The following OTOP2 variants were observed in gnomAD, a reference collection of about 807,000 sequenced individuals.
The protein encoded by OTOP2 is otopetrin 2.
In OTOP2, 41 loss-of-function variants were observed where a neutral mutation model predicts 47.4. The observed-to-expected ratio is 0.87, with a 90% CI of 0.67 to 1.12. OTOP2 has a LOEUF of 1.12. Among genes scored for constraint, OTOP2 ranks in the 50% most tolerant of loss-of-function variants. The pLI, the probability that OTOP2 is intolerant of heterozygous loss-of-function variation, is 0.00. For synonymous variants in OTOP2, 328 were observed against 319.6 expected (o/e 1.03, Z -0.28); for missense variants, 721 against 752.2 (o/e 0.96, Z 0.49).
intron 5 of OTOP2, among the ~76,000 whole-genome samples, chr17:74,929,101 A>C (rs1046489014): frequency 6.6e-6 from 1 of 152,144 alleles, no homozygotes; most frequent in African/African-American, 2.4e-5. Flanking sequence ...TCATCTGCAA[A>C]ACCAGCTGGG....
Position 74,925,466 on chromosome 17 carries a change from T to C in OTOP2, c.314-90T>C. 13 of 1,513,170 alleles carry C rather than the reference T, an allele frequency of 8.6e-6. 1 individual carries two copies. In the South Asian group the frequency reaches 1.5e-4, roughly 17 times the overall value. 93.7% of individuals were successfully genotyped at this position (1,513,170 alleles called of 1,614,324 possible). A position where few individuals can be genotyped will look rare whatever the true frequency, so the allele number is the denominator to read the frequency against. Reference sequence around the variant, plus strand: ...CACCCATCCACCCACCCATCTAGCCTCCCATCCTCAGGGCCTGTCCTCAGC... The same window carrying C: ...CACCCATCCACCCACCCATCTAGCCCCCCATCCTCAGGGCCTGTCCTCAGC... On this transcript the variant is annotated intron_variant, in intron 2 of 6. Transcript: ENST00000331427.
At position 74,932,994 on chromosome 17, in the gene OTOP2, C is replaced by A. The variant is rs970207045; in HGVS notation, c.1519-381C>A. On this transcript the variant is annotated intron_variant, in intron 6 of 6. Coordinates refer to ENST00000331427, the MANE Select transcript of OTOP2 (RefSeq NM_178160.3). ...GCCTTGAGCCTATCTGATTCTGCCA[C>A]CCCCACCCCTGTGCACAAAACCCCC... Among the ~76,000 whole-genome samples, 9 of 151,794 alleles carry A rather than the reference C, an allele frequency of 5.9e-5. No homozygotes were observed. The South Asian group carries it at 1.5e-3, about 25-fold the overall frequency.
intron 4 of OTOP2, 114 bp from the exon 5 acceptor site, chr17:74,927,551 C>T (rs2039019686): frequency 7.0e-7 from 1 of 1,438,512 alleles, no homozygotes. Flanking sequence ...ATCAGCTTCC[C>T]TGTTCACACA....
At position 74,930,165 on chromosome 17, in the gene OTOP2, A is replaced by G; in HGVS notation, c.644-114A>G. ...ACCATTGCACTCCAGCCTGAGCATC[A>G]AGAGTGAAACTCCGTCTCAAAACAA... is the stretch of plus-strand genomic sequence containing the variant. On this transcript the variant is annotated intron_variant, in intron 5 of 6. Coordinates refer to ENST00000331427, the MANE Select transcript of OTOP2 (RefSeq NM_178160.3). The surrounding 1 kb of genome is among the most constrained non-coding windows in gnomAD (Gnocchi z 4.0). The G allele has an allele frequency of 8.3e-7, 1 of 1,207,168 alleles. No homozygotes were observed. Among genetic ancestry groups the G allele is most frequent in the South Asian group, 1.5e-5 (1 of 65,508 alleles). 74.8% of individuals were successfully genotyped at this position (1,207,168 alleles called of 1,614,324 possible).
Position 74,930,211 on chromosome 17 carries a change from A to C in OTOP2, c.644-68A>C. ...AACAAAACAAAAAAAAAAAGGTCAC[A>C]GGCTAGGGGTGAGACCTCTCTAGGA... On this transcript the variant is annotated intron_variant, in intron 5 of 6. Coordinates refer to ENST00000331427, the MANE Select transcript of OTOP2 (RefSeq NM_178160.3). The surrounding 1 kb of genome is among the most constrained non-coding windows in gnomAD (Gnocchi z 4.0). The C allele has an allele frequency of 6.7e-7, 1 of 1,494,124 alleles. No individual in the cohort carries two copies. The highest frequency in any genetic ancestry group is 2.3e-5 in the East Asian group (1 of 43,754). 92.6% of individuals were successfully genotyped at this position (1,494,124 alleles called of 1,614,324 possible).
In OTOP2 at chr17:74,924,540, A is replaced by T. The variant is rs1161338617; in HGVS notation, c.-33-60A>T. The T allele has an allele frequency of 2.2e-6, 3 of 1,378,770 alleles. No individual in the cohort carries two copies. In the African/African-American group the frequency reaches 4.4e-5, roughly 20 times the overall value. 85.4% of individuals were successfully genotyped at this position (1,378,770 alleles called of 1,614,324 possible). A position where few individuals can be genotyped will look rare whatever the true frequency, so the allele number is the denominator to read the frequency against. On this transcript the variant is annotated intron_variant, in intron 1 of 6. Coordinates refer to ENST00000331427, the MANE Select transcript of OTOP2 (RefSeq NM_178160.3). This position sits in a 1 kb window ranked among gnomAD's most constrained non-coding sequence, Gnocchi z 7.7. Reference sequence around the variant, plus strand: ...TCCCTAGTCCCCAAGTCTAGGGATGAGATGGGGGAAGGAGAGCCGTCAGGG... The same window carrying T: ...TCCCTAGTCCCCAAGTCTAGGGATGTGATGGGGGAAGGAGAGCCGTCAGGG...
Position 74,930,948 on chromosome 17 carries a change from AC to A in OTOP2, c.1317del (p.Lys440ArgfsTer54). The A allele has an allele frequency of 1.2e-6, 2 of 1,613,542 alleles. No individual in the cohort carries two copies. The highest frequency in any genetic ancestry group is 1.7e-6 in the Non-Finnish European group (2 of 1,179,882). ...GPPGAEPHST[H>X]PKEPCQDLTF... is the part of the protein sequence containing the mutation. The stretch of plus-strand genomic sequence containing the variant: ...CCCGGGGCTGAGCCTCACAGTACCC[AC>A]CCCAAGGAGCCCTGCCAAGACCTCA... On this transcript the variant is annotated frameshift_variant, in exon 6 of 7. Coordinates refer to ENST00000331427, the MANE Select transcript of OTOP2 (RefSeq NM_178160.3). LOFTEE classifies it high-confidence loss of function. The surrounding 1 kb of genome is among the most constrained non-coding windows in gnomAD (Gnocchi z 4.0).
In OTOP2 at chr17:74,930,414, T is replaced by G; in HGVS notation, c.779T>G (p.Val260Gly). ...CTCTTCGCCTCCACCATGCTGTATG[T>G]CATGTGGAAGAATGTGGGTAGATTC... The part of the protein sequence containing the change: ...YSLFASTMLY[V>G]MWKNVGRFLA... Residue 260 changes from valine to glycine, a missense_variant, in exon 6 of 7, where the codon GTC becomes GGC. By Grantham distance (109) the Val-to-Gly change is moderately radical. Transcript: ENST00000331427. This position sits in a 1 kb window ranked among gnomAD's most constrained non-coding sequence, Gnocchi z 4.0. 6.2e-7 allele frequency: 1 copy of G among 1,614,152 alleles called. No homozygotes were observed. Among genetic ancestry groups the G allele is most frequent in the Non-Finnish European group, 8.5e-7 (1 of 1,180,014 alleles).
rs2038993655 is a variant in OTOP2, at chr17:74,924,984, C to T, written c.313+39C>T. 6.6e-7 allele frequency: 1 copy of T among 1,507,392 alleles called. No homozygotes were observed. Among genetic ancestry groups the T allele is most frequent in the Non-Finnish European group, 8.9e-7 (1 of 1,125,718 alleles). 93.4% of individuals were successfully genotyped at this position (1,507,392 alleles called of 1,614,324 possible). Reference sequence around the variant, plus strand: ...TGGGGGCGAGGTAGGGTGGGCACAACAGGGAGCTGCAGGCTAGGGCTCTCG... The same window carrying T: ...TGGGGGCGAGGTAGGGTGGGCACAATAGGGAGCTGCAGGCTAGGGCTCTCG... On this transcript the variant is annotated intron_variant, in intron 2 of 6. Transcript: ENST00000331427. This position sits in a 1 kb window ranked among gnomAD's most constrained non-coding sequence, Gnocchi z 7.7.
intron 2 of OTOP2, among the ~76,000 whole-genome samples, chr17:74,925,305 G>A (rs1262759602): frequency 3.3e-5 from 5 of 152,002 alleles, no homozygotes; most frequent in African/African-American, 1.2e-4. Flanking sequence ...AGGGGGGCTT[G>A]GTAGCAGGTC....
intron 3 of OTOP2, among the ~76,000 whole-genome samples, chr17:74,926,632 C>T (rs149828474): frequency 2.0e-5 from 3 of 151,976 alleles, no homozygotes; most frequent in East Asian, 3.9e-4. Flanking sequence ...AACCCCACCA[C>T]GAGCAGGGTT....
At chr17:74,931,253 C>T in intron 6 of OTOP2, 100 bp downstream of exon 6, 1 of 1,437,970 alleles carries the variant, frequency 7.0e-7, no homozygotes, top group Non-Finnish European at 9.2e-7. Flanking sequence ...TTGCCCCCAG[C>T]CCGCCTGAGA....
chr17:74,933,276 G>A lies in OTOP2; in HGVS notation c.1519-99G>A. ...GCCCTCCGTGTCCACCAAGCTAGAA[G>A]GATGGGCCGCCATCTAGCCACGGCC... On this transcript the variant is annotated intron_variant, in intron 6 of 6. Coordinates refer to ENST00000331427, the MANE Select transcript of OTOP2 (RefSeq NM_178160.3). The surrounding 1 kb of genome is among the most constrained non-coding windows in gnomAD (Gnocchi z 4.7). 1 of 1,423,360 alleles carries A rather than the reference G, an allele frequency of 7.0e-7. No individual in the cohort carries two copies. The highest frequency in any genetic ancestry group is 1.3e-5 in the South Asian group (1 of 75,358). 88.2% of individuals were successfully genotyped at this position (1,423,360 alleles called of 1,614,324 possible).
chr17:74,925,610 G>C lies in OTOP2; in HGVS notation c.368G>C (p.Gly123Ala), dbSNP rs947916909. The C allele has an allele frequency of 9.3e-6, 15 of 1,614,114 alleles. No individual in the cohort carries two copies. The highest frequency in any genetic ancestry group is 1.2e-5 in the Non-Finnish European group (14 of 1,180,030). ...CTCATCATGGATGTCTTCAAGACCG[G>C]CTACTACTCCAGTTTCTTTGAGTGC... ...CTLIMDVFKT[G>A]YYSSFFECQS... The change falls in exon 3 of 7, where the codon GGC becomes GCC. Residue 123 changes from glycine to alanine, a missense_variant. Physicochemically the swap from Gly to Ala is moderately conservative, Grantham distance 60. Transcript: ENST00000331427.
At chr17:74,925,976 A>G (rs973156388) in intron 3 of OTOP2, among the ~76,000 whole-genome samples, 1 of 152,242 alleles carries the variant, frequency 6.6e-6, no homozygotes, top group African/African-American at 2.4e-5. Flanking sequence ...TGTGCCAGCC[A>G]GCCCTGTCTC....
Position 74,927,263 on chromosome 17 carries a change from T to G in OTOP2, c.491T>G (p.Val164Gly), listed in dbSNP as rs756528690. Residue 164 changes from valine to glycine, a missense_variant, in exon 4 of 7, where the codon GTC (valine) becomes GGC (glycine). Transcript: ENST00000331427. ...LWVSAKDCVH[V>G]HLDLTWCGLM... Reference sequence around the variant, plus strand: ...GTCTCTGCTAAAGACTGCGTTCACGTCCACCTGGATCTGACCTGGTGAGAA... The same window carrying G: ...GTCTCTGCTAAAGACTGCGTTCACGGCCACCTGGATCTGACCTGGTGAGAA... 2 of 1,613,478 alleles carry G rather than the reference T, an allele frequency of 1.2e-6. No homozygotes were observed. Among genetic ancestry groups the G allele is most frequent in the Non-Finnish European group, 1.7e-6 (2 of 1,179,520 alleles).
intron 2 of OTOP2, 25 bp from the exon 3 acceptor site, chr17:74,925,531 C>T (rs2038999269): frequency 1.2e-6 from 2 of 1,610,992 alleles, no homozygotes; most frequent in African/African-American, 1.3e-5. Flanking sequence ...TCCACCACCA[C>T]CACCCACCCA....
At chr17:74,925,401 T>C (rs1023107638) in intron 2 of OTOP2, among the ~76,000 whole-genome samples, 155 bp from the exon 3 acceptor site, 1 of 151,834 alleles carries the variant, frequency 6.6e-6, no homozygotes, top group Admixed American at 6.6e-5. Flanking sequence ...CCACCTGTCC[T>C]CCCACCCTCC....
At position 74,925,435 on chromosome 17, in the gene OTOP2, C is replaced by G. The variant is rs1410283469; in HGVS notation, c.314-121C>G. ...CCCCATTGATCCATCCAACAGTGCA[C>G]TCACTCACCCATCCACCCACCCATC... On this transcript the variant is annotated intron_variant, in intron 2 of 6. Coordinates refer to ENST00000331427, the MANE Select transcript of OTOP2 (RefSeq NM_178160.3). 10 of 1,310,778 alleles carry G rather than the reference C, an allele frequency of 7.6e-6. No homozygotes were observed. The East Asian group carries it at 2.3e-4, about 31-fold the overall frequency. 81.2% of individuals were successfully genotyped at this position (1,310,778 alleles called of 1,614,324 possible). A position where few individuals can be genotyped will look rare whatever the true frequency, so the allele number is the denominator to read the frequency against.
Sources: gnomAD v4.1 joint callset for allele counts (sites outside exome capture counted in the v4.1 genomes callset) on GRCh38, gnomAD v4.1.1 for gene constraint, Gnocchi (gnomAD v3.1) non-coding constraint, MANE v1.5 for transcripts, NCBI Gene and HGNC (gene_info 2026-07-23, HGNC 2026-07-21) for gene names.